ARB2A: variants seen among roughly 807,000 people sequenced by gnomAD.
ARB2A encodes the protein ARB2 cotranscriptional regulator A.
At chr5:94,056,351 T>C in the ARB2A span, among the ~76,000 whole-genome samples, 2 of 152,226 alleles carry the variant, frequency 1.3e-5, no homozygotes, top group Admixed American at 1.3e-4. Flanking sequence ...GATTTTTTTA[T>C]TTCATTAGCA....
chr5:93,714,837 A>G, the ARB2A span, among the ~76,000 whole-genome samples: 2 of 152,192 alleles, frequency 1.3e-5, no homozygotes, highest in Non-Finnish European at 2.9e-5. Flanking sequence ...TCTAGTCTTG[A>G]TAAGTACATT....
the ARB2A span, chr5:93,958,984 A>G: frequency 6.7e-7 from 1 of 1,502,016 alleles, no homozygotes; most frequent in Non-Finnish European, 9.0e-7. Context: ...ATTAAATAAA[A>G]TTAAATAATA....
At chr5:93,626,470 C>A in the ARB2A span, among the ~76,000 whole-genome samples, 1 of 152,150 alleles carries the variant, frequency 6.6e-6, no homozygotes, top group Non-Finnish European at 1.5e-5. Context: ...TGGTCCTAGA[C>A]CAAAAGGTCA....
At chr5:93,667,746 G>A in the ARB2A span, among the ~76,000 whole-genome samples, 2 of 152,136 alleles carry the variant, frequency 1.3e-5, no homozygotes, top group Non-Finnish European at 2.9e-5. Flanking sequence ...TCTCAGCCTG[G>A]AAATGATTAA....
chr5:93,947,945 C>G, the ARB2A span, among the ~76,000 whole-genome samples: 6 of 152,114 alleles, frequency 3.9e-5, no homozygotes, highest in South Asian at 1.2e-3. Context: ...CAAGTCTTTG[C>G]TATTGTGAAT....
the ARB2A span, among the ~76,000 whole-genome samples, chr5:94,010,833 CACAAAAGGAAAATTAAA>C: frequency 6.6e-6 from 1 of 151,654 alleles, no homozygotes; most frequent in African/African-American, 2.4e-5. Flanking sequence ...CAACTAAAGG[CACAAAAGGAAAATTAAA>C]ACAACTAAAA....
At chr5:93,866,208 T>G in the ARB2A span, 1 of 985,338 alleles carries the variant, frequency 1.0e-6, no homozygotes, top group Non-Finnish European at 1.2e-6. Flanking sequence ...TCTGAGGGAA[T>G]TTTTTCACTC....
At chr5:93,748,845 TA>T in the ARB2A span, among the ~76,000 whole-genome samples, 3 of 152,152 alleles carry the variant, frequency 2.0e-5, no homozygotes, top group South Asian at 2.1e-4. Context: ...TATTTCTATG[TA>T]AAAAAACTTA....
At chr5:93,628,617 T>C in the ARB2A span, among the ~76,000 whole-genome samples, 1 of 152,254 alleles carries the variant, frequency 6.6e-6, no homozygotes, top group Non-Finnish European at 1.5e-5. Context: ...TCTGGATAAC[T>C]TGCTATATCT....
the ARB2A span, among the ~76,000 whole-genome samples, chr5:93,865,209 G>A: frequency 0.034 from 5,150 of 152,174 alleles, 149 homozygotes; most frequent in East Asian, 0.13. Flanking sequence ...AGCCTCCTGA[G>A]TAGCTGAGCC....
the ARB2A span, among the ~76,000 whole-genome samples, chr5:94,084,381 T>C: frequency 6.7e-6 from 1 of 150,220 alleles, no homozygotes; most frequent in Admixed American, 6.6e-5. Context: ...AATGATAAAA[T>C]GCTACTGAAA....
chr5:94,085,983 T>A, the ARB2A span, among the ~76,000 whole-genome samples: 1 of 151,800 alleles, frequency 6.6e-6, no homozygotes, highest in Non-Finnish European at 1.5e-5. Context: ...AGAGAAAAAA[T>A]AAATGCAAAA....
the ARB2A span, among the ~76,000 whole-genome samples, chr5:93,838,239 C>A: frequency 4.6e-5 from 7 of 152,154 alleles, no homozygotes; most frequent in East Asian, 1.9e-4. Context: ...ATCCCAGCAC[C>A]ATTTATTGAA....
the ARB2A span, among the ~76,000 whole-genome samples, chr5:93,855,420 A>T: frequency 6.6e-6 from 1 of 152,172 alleles, no homozygotes; most frequent in Admixed American, 6.5e-5. Flanking sequence ...CCAATTTGCC[A>T]GTCTGTGTCT....
At chr5:93,985,420 G>A in the ARB2A span, among the ~76,000 whole-genome samples, 13 of 145,212 alleles carry the variant, frequency 9.0e-5, no homozygotes, top group African/African-American at 2.8e-4. Flanking sequence ...CTCTTTCCAC[G>A]GTCTCCCCCT....
chr5:93,776,879 G>A, the ARB2A span, among the ~76,000 whole-genome samples: 1 of 151,846 alleles, frequency 6.6e-6, no homozygotes, highest in African/African-American at 2.4e-5. Context: ...AACAAATAAA[G>A]GTACTATAAT....
At chr5:94,086,248 A>G in the ARB2A span, among the ~76,000 whole-genome samples, 2 of 152,230 alleles carry the variant, frequency 1.3e-5, no homozygotes, top group Non-Finnish European at 2.9e-5. Flanking sequence ...TGTTCTTTAA[A>G]TAAGTGACAA....
chr5:93,975,437 A>C, the ARB2A span, among the ~76,000 whole-genome samples: 1 of 152,046 alleles, frequency 6.6e-6, no homozygotes, highest in Non-Finnish European at 1.5e-5. Flanking sequence ...GGAAAAAATA[A>C]TTAAAATCAG....
At chr5:93,924,435 A>T in the ARB2A span, among the ~76,000 whole-genome samples, 2 of 152,212 alleles carry the variant, frequency 1.3e-5, no homozygotes, top group Non-Finnish European at 2.9e-5. Context: ...CTTAATGAAG[A>T]CTGGTATATG....
Sources: allele counts gnomAD v4.1 joint callset (sites outside exome capture counted in the v4.1 genomes callset), GRCh38; gene constraint gnomAD v4.1.1; transcripts MANE v1.5; gene names NCBI Gene and HGNC (gene_info 2026-07-23, HGNC 2026-07-21).